Variants in WBP2 observed in about 807,000 individuals in gnomAD.
WBP2 encodes the protein WW domain-binding protein 2.
WBP2 carries 23 observed loss-of-function variants against 33.0 expected under a neutral mutation model. That is an observed-to-expected ratio of 0.70 (90% CI 0.50 to 0.99). The LOEUF is 0.99. WBP2 is among the 50% of genes least tolerant of loss of function. WBP2 has a pLI of 0.00. For synonymous variants in WBP2, 153 were observed against 133.5 expected, an observed-to-expected ratio of 1.15 and a Z score of -1.01; for missense variants, 353 against 358.0, an observed-to-expected ratio of 0.99 and a Z score of 0.11.
chr17:75,855,184 C>CCAA, intron 1 of WBP2, 55 bp downstream of exon 1: 31 of 1,513,924 alleles, frequency 2.0e-5, no homozygotes, highest in Non-Finnish European at 2.7e-5. Flanking sequence ...ACCCACCGCC[C>CCAA]ACTTCCTCGA....
upstream of WBP2, chr17:75,855,342 G>A (rs1025198678): frequency 3.1e-6 from 5 of 1,605,426 alleles, no homozygotes; most frequent in East Asian, 1.1e-4. Context: ...CAATGAGCTT[G>A]CGCCCCTCTT....
chr17:75,854,041 T>A (rs2065042960), intron 1 of WBP2, among the ~76,000 whole-genome samples: 3 of 70,452 alleles, frequency 4.3e-5, no homozygotes, highest in Admixed American at 2.0e-4. Flanking sequence ...CAAGCCTCCA[T>A]CTAAAAAAAA....
intron 6 of WBP2, 88 bp from the exon 7 acceptor site, chr17:75,847,072 C>G (rs891796267): frequency 6.1e-6 from 9 of 1,469,978 alleles, no homozygotes; most frequent in Non-Finnish European, 8.4e-6. Flanking sequence ...TGGCTCGGGG[C>G]AGCTGGTGCT....
At chr17:75,855,643 C>A (rs1485448638), upstream of WBP2, among the ~76,000 whole-genome samples, 1 of 152,220 alleles carries the variant, frequency 6.6e-6, no homozygotes, top group Non-Finnish European at 1.5e-5. Context: ...TGTGCCATCC[C>A]CACCCCGCCT....
chr17:75,850,771 T>C (rs973865114), intron 2 of WBP2, among the ~76,000 whole-genome samples: 1 of 152,152 alleles, frequency 6.6e-6, no homozygotes, highest in African/African-American at 2.4e-5. Flanking sequence ...CCCAGCTCAC[T>C]GCAGCCTCAA....
rs772009866 is a variant in WBP2, at chr17:75,847,566, G to A, written c.576C>T (p.Tyr192=). ...GGTAGGGCGGTGGTGGGGGCTGCAC[G>A]TATCCCATGGCCCCGTCCATCATGG... ...GPPMMDGAMG[Y]VQPPPPPYPG... The change falls in exon 6 of 8, where the codon TAC becomes TAT. Residue 192 remains tyrosine, a synonymous_variant. Coordinates refer to ENST00000254806, the MANE Select transcript of WBP2 (RefSeq NM_012478.4). The A allele has an allele frequency of 4.4e-6, 7 of 1,607,742 alleles. No individual in the cohort carries two copies. The highest frequency in any genetic ancestry group is 2.7e-5 in the African/African-American group (2 of 74,726).
chr17:75,855,333 A>C lies in WBP2; in HGVS notation c.-36T>G, dbSNP rs1247960374. 5 of 1,609,004 alleles carry C rather than the reference A, an allele frequency of 3.1e-6. No homozygotes were observed. The highest frequency in any genetic ancestry group is 1.1e-5 in the South Asian group (1 of 91,028). On this transcript the variant is annotated 5_prime_UTR_variant, in exon 1 of 8. It adds an upstream start codon to the 5' untranslated region. Coordinates refer to ENST00000254806, the MANE Select transcript of WBP2 (RefSeq NM_012478.4). Reference sequence around the variant, plus strand: ...ACAGGGGTCCCGAGACTCAAAACGCAATGAGCTTGCGCCCCTCTTCGCCCC... The same window carrying C: ...ACAGGGGTCCCGAGACTCAAAACGCCATGAGCTTGCGCCCCTCTTCGCCCC...
intron 1 of WBP2, among the ~76,000 whole-genome samples, chr17:75,853,720 G>C (rs1173451561): frequency 6.6e-6 from 1 of 152,076 alleles, no homozygotes; most frequent in African/African-American, 2.4e-5. Context: ...TTCTCTGACT[G>C]GGGAAGGGTA....
In WBP2 at chr17:75,846,636, A is replaced by G; in HGVS notation, c.*98T>C. 1 of 1,340,482 alleles carries G rather than the reference A, an allele frequency of 7.5e-7. No individual in the cohort carries two copies. Among genetic ancestry groups the G allele is most frequent in the East Asian group, 2.5e-5 (1 of 39,702 alleles). 83.0% of individuals were successfully genotyped at this position (1,340,482 alleles called of 1,614,324 possible). ...ATTGTTTATGATCAGACCTGGAGGG[A>G]GAACAAGGCGCCCCCTCCCCTCCCC... On this transcript the variant is annotated 3_prime_UTR_variant, in exon 8 of 8. Coordinates refer to ENST00000254806, the MANE Select transcript of WBP2 (RefSeq NM_012478.4). The surrounding 1 kb of genome is among the most constrained non-coding windows in gnomAD (Gnocchi z 4.8).
rs778455255 is a variant in WBP2 at position 75,853,639 on chromosome 17, GTC to G, written c.59+1598_59+1599del. ...GAGATGCAACAAAACAGTGTGAGGTGTCTCTGATTACATGATAAAAAGGTTCA... is the reference window on the plus strand; with the variant it reads ...GAGATGCAACAAAACAGTGTGAGGTGTCTGATTACATGATAAAAAGGTTCA... On this transcript the variant is annotated intron_variant, in intron 1 of 7. Coordinates refer to ENST00000254806, the MANE Select transcript of WBP2 (RefSeq NM_012478.4). 3.3e-5 allele frequency among the ~76,000 whole-genome samples: 5 copies of G among 152,330 alleles called. No individual in the cohort carries two copies. The East Asian group carries it at 9.6e-4, about 29-fold the overall frequency.
rs2065004291 is a variant in WBP2, at chr17:75,847,852, A to G, written c.476T>C (p.Val159Ala). ...AGGGCAGGGGTACATTCCATTGGCGACTGGCGGGGGATAGACATAGGCCCC... is the reference window on the plus strand; with the variant it reads ...AGGGCAGGGGTACATTCCATTGGCGGCTGGCGGGGGATAGACATAGGCCCC... ...PSGAYVYPPP[V>A]ANGMYPCPPG... The change falls in exon 5 of 8, where the codon GTC becomes GCC. Residue 159 changes from valine to alanine, a missense_variant. Coordinates refer to ENST00000254806, the MANE Select transcript of WBP2 (RefSeq NM_012478.4). 1 of 1,557,482 alleles carries G rather than the reference A, an allele frequency of 6.4e-7. No homozygotes were observed. The highest frequency in any genetic ancestry group is 1.4e-5 in the African/African-American group (1 of 73,300).
At chr17:75,849,490 G>C (rs959511625) in intron 3 of WBP2, 114 bp downstream of exon 3, 3 of 1,364,202 alleles carry the variant, frequency 2.2e-6, no homozygotes, top group South Asian at 1.3e-5. Flanking sequence ...GCTGGGAAGA[G>C]GTCATGGCTA....
Position 75,855,286 on chromosome 17 carries a change from G to A in WBP2, c.12C>T (p.Asn4=), listed in dbSNP as rs1599427492. MAL[N]KNHSEGGGVI... is the part of the protein sequence containing the mutation. ...CTCCGCCGCCCTCCGAGTGATTCTT[G>A]TTGAGCGCCATAGTCTCTCCAACAG... Residue 4 remains asparagine (N), a synonymous_variant, in exon 1 of 8, where the codon AAC becomes AAT. Transcript: ENST00000254806. 6.2e-7 allele frequency: 1 copy of A among 1,611,020 alleles called. No homozygotes were observed. Among genetic ancestry groups the A allele is most frequent in the South Asian group, 1.1e-5 (1 of 91,018 alleles).
At position 75,855,331 on chromosome 17, in the gene WBP2, G is replaced by T; in HGVS notation, c.-34C>A. 2 of 1,609,296 alleles carry T rather than the reference G, an allele frequency of 1.2e-6. No individual in the cohort carries two copies. The stretch of plus-strand genomic sequence containing the variant: ...CAACAGGGGTCCCGAGACTCAAAAC[G>T]CAATGAGCTTGCGCCCCTCTTCGCC... On this transcript the variant is annotated 5_prime_UTR_variant, in exon 1 of 8. Coordinates refer to ENST00000254806, the MANE Select transcript of WBP2 (RefSeq NM_012478.4).
At chr17:75,847,760 C>T in intron 5 of WBP2, 36 bp downstream of exon 5, 1 of 1,540,956 alleles carries the variant, frequency 6.5e-7, no homozygotes, top group Non-Finnish European at 8.8e-7. Flanking sequence ...TAGGTGGGCT[C>T]ATGAGGGGAG....
At chr17:75,852,644 A>G in intron 1 of WBP2, 1 of 231,104 alleles carries the variant, frequency 4.3e-6, no homozygotes, top group Non-Finnish European at 7.1e-6. Flanking sequence ...TTTAGTAGAG[A>G]CGGGGTTTCA....
rs565373744 is a variant in WBP2, at chr17:75,847,623, G to C, written c.533-14C>G. 1.4e-5 allele frequency: 23 copies of C among 1,612,986 alleles called. No individual in the cohort carries two copies. The Admixed American group carries it at 3.5e-4, about 25-fold the overall frequency. ...CTGGATAGAACTCTGCTCGGTGAGAGAGTAACAAGGACATGGTGAGCACCC... is the reference window on the plus strand; with the variant it reads ...CTGGATAGAACTCTGCTCGGTGAGACAGTAACAAGGACATGGTGAGCACCC... On this transcript the variant is annotated splice_polypyrimidine_tract_variant and intron_variant, in intron 5 of 7. Coordinates refer to ENST00000254806, the MANE Select transcript of WBP2 (RefSeq NM_012478.4).
At chr17:75,847,460 G>T in intron 6 of WBP2, 27 bp downstream of exon 6, 3 of 1,582,876 alleles carry the variant, frequency 1.9e-6, no homozygotes, top group Non-Finnish European at 2.6e-6. Context: ...TGGTCCCGAA[G>T]GGCTGCCAGC....
chr17:75,847,457 G>A (rs771710452), intron 6 of WBP2, 30 bp downstream of exon 6: 47 of 1,580,084 alleles, frequency 3.0e-5, no homozygotes, highest in African/African-American at 9.5e-5. Flanking sequence ...GGCTGGTCCC[G>A]AAGGGCTGCC....
Sources: allele counts gnomAD v4.1 joint callset (sites outside exome capture counted in the v4.1 genomes callset), GRCh38; gene constraint gnomAD v4.1.1; non-coding constraint Gnocchi (gnomAD v3.1); transcripts MANE v1.5; gene names NCBI Gene and HGNC (gene_info 2026-07-23, HGNC 2026-07-21).